CDH11: variants seen among roughly 807,000 people sequenced by gnomAD.
CDH11 encodes the protein cadherin 11.
CDH11 carries 11 observed loss-of-function variants against 67.8 expected under a neutral mutation model. That is an observed-to-expected ratio of 0.16 (90% CI 0.10 to 0.27). The LOEUF (loss-of-function observed/expected upper bound fraction) is 0.27, where lower values mean the gene tolerates loss of function less well. Ranked by LOEUF, CDH11 falls within the 10% of genes least tolerant of loss-of-function variation. The pLI is 1.00. For synonymous variants in CDH11, 419 were observed against 400.0 expected (o/e 1.05, Z -0.57); for missense variants, 847 against 1,031.2 (o/e 0.82, Z 2.45).
At chr16:65,081,368 A>C (rs2074606665) in intron 1 of CDH11, among the ~76,000 whole-genome samples, 1 of 152,154 alleles carries the variant, frequency 6.6e-6, no homozygotes, top group East Asian at 1.9e-4. Context: ...GGAGATCGAG[A>C]CCATCCTGGC....
intron 1 of CDH11, among the ~76,000 whole-genome samples, chr16:65,077,366 G>A (rs1255238020): frequency 6.6e-6 from 1 of 152,188 alleles, no homozygotes; most frequent in Non-Finnish European, 1.5e-5. Context: ...CCTCAATTGT[G>A]TGTAGCTTCT....
At chr16:65,042,335 A>G (rs74965217) in intron 2 of CDH11, among the ~76,000 whole-genome samples, 4,295 of 152,284 alleles carry the variant, frequency 0.028, 103 homozygotes, top group South Asian at 0.17. Context: ...GAAGTGTCCA[A>G]TGACTACAGG....
At chr16:64,974,121 T>A (rs1301420440) in intron 8 of CDH11, among the ~76,000 whole-genome samples, 2 of 152,194 alleles carry the variant, frequency 1.3e-5, no homozygotes, top group Admixed American at 1.3e-4. Flanking sequence ...AAGAATGGCA[T>A]TTACTGAGTT....
chr16:65,121,987 CG>C lies in CDH11; in HGVS notation c.-406del, dbSNP rs1567592819. On this transcript the variant is annotated 5_prime_UTR_variant, in exon 1 of 13. The change abolishes the stop of an existing upstream ORF in the 5' untranslated region. Transcript: ENST00000268603. The surrounding 1 kb of genome is among the most constrained non-coding windows in gnomAD (Gnocchi z 4.1). ...AGTCCCGGTCCCATTCACAAGTCAG[CG>C]GCGGCTGCGAGCGGCCCCCGCGGCA... 4.3e-6 allele frequency: 3 copies of C among 700,832 alleles called. No homozygotes were observed. The highest frequency in any genetic ancestry group is 7.8e-6 in the Non-Finnish European group (3 of 384,062). 43.4% of individuals were successfully genotyped at this position (700,832 alleles called of 1,614,324 possible). A position where few individuals can be genotyped will look rare whatever the true frequency, so the allele number is the denominator to read the frequency against.
At chr16:65,075,001 A>T (rs1010278547) in intron 1 of CDH11, among the ~76,000 whole-genome samples, 2 of 152,132 alleles carry the variant, frequency 1.3e-5, no homozygotes, top group Admixed American at 6.5e-5. Context: ...TGCTGTCTCA[A>T]ATCTTACACT....
chr16:65,003,370 C>T (rs137925725), intron 3 of CDH11, among the ~76,000 whole-genome samples: 78 of 152,094 alleles, frequency 5.1e-4, no homozygotes, highest in Middle Eastern at 3.4e-3. Context: ...GATTCCCCTG[C>T]CTCAGCCTCT....
intron 3 of CDH11, among the ~76,000 whole-genome samples, chr16:65,001,257 T>C (rs769113551): frequency 1.6e-4 from 24 of 152,234 alleles, no homozygotes; most frequent in Non-Finnish European, 2.5e-4. Flanking sequence ...TTCATAACAA[T>C]GTGTTGTCGT....
intron 2 of CDH11, among the ~76,000 whole-genome samples, chr16:65,015,783 A>C (rs1170390278): frequency 6.6e-6 from 1 of 152,196 alleles, no homozygotes; most frequent in East Asian, 1.9e-4. Flanking sequence ...GTAAGGTATA[A>C]ACAATGAGAG....
chr16:65,068,065 G>A (rs1241596855), intron 1 of CDH11, among the ~76,000 whole-genome samples: 1 of 120,230 alleles, frequency 8.3e-6, no homozygotes, highest in Non-Finnish European at 1.9e-5. Context: ...GGAGGGAGGG[G>A]GCAGGGAGAG....
At chr16:65,087,634 G>C (rs1470581863) in intron 1 of CDH11, among the ~76,000 whole-genome samples, 1 of 152,206 alleles carries the variant, frequency 6.6e-6, no homozygotes, top group Non-Finnish European at 1.5e-5. Flanking sequence ...AACACAAGCT[G>C]CTCAGAATGA....
chr16:65,037,288 A>T (rs919502400), intron 2 of CDH11, among the ~76,000 whole-genome samples: 8 of 151,848 alleles, frequency 5.3e-5, no homozygotes, highest in African/African-American at 1.9e-4. Context: ...ATTCCCCACC[A>T]CCCCGATTTC....
At chr16:64,975,836 T>C (rs1308581969) in intron 8 of CDH11, among the ~76,000 whole-genome samples, 1 of 152,204 alleles carries the variant, frequency 6.6e-6, no homozygotes, top group African/African-American at 2.4e-5. Context: ...CCTACACATG[T>C]ACCCCCTGAA....
rs115289457 is a variant in CDH11 at position 65,117,784 on chromosome 16, C to T, written c.-298+4096G>A. ...TTTTTCTTCTTTATCCATTCCCTTC[C>T]ACTTGGAGTCAGAAATGATGCTCTT... On this transcript the variant is annotated intron_variant, in intron 1 of 12. Transcript: ENST00000268603. Among the ~76,000 whole-genome samples the T allele has an allele frequency of 3.2e-3, 492 of 152,236 alleles. 2 individuals carry two copies. Among genetic ancestry groups the T allele is most frequent in the African/African-American group, 0.011 (461 of 41,548 alleles).
intron 11 of CDH11, among the ~76,000 whole-genome samples, chr16:64,964,353 G>T (rs2071753282): frequency 6.6e-6 from 1 of 152,032 alleles, no homozygotes; most frequent in African/African-American, 2.4e-5. Context: ...TATAACACAG[G>T]AGCAAATATT....
At chr16:65,056,065 A>G (rs2074136788) in intron 1 of CDH11, among the ~76,000 whole-genome samples, 1 of 152,188 alleles carries the variant, frequency 6.6e-6, no homozygotes, top group Non-Finnish European at 1.5e-5. Flanking sequence ...AGAAATTAAG[A>G]TCTGTGGTTT....
At chr16:65,051,146 G>A (rs539331524) in intron 2 of CDH11, among the ~76,000 whole-genome samples, 2 of 152,232 alleles carry the variant, frequency 1.3e-5, no homozygotes, top group South Asian at 2.1e-4. Context: ...AGGGGAGTGC[G>A]ATTTTGCTTC....
At chr16:65,067,816 A>T (rs1266593777) in intron 1 of CDH11, among the ~76,000 whole-genome samples, 1 of 131,932 alleles carries the variant, frequency 7.6e-6, no homozygotes, top group African/African-American at 2.9e-5. Context: ...AGGAAGGATG[A>T]AGGGAGAGAG....
chr16:65,100,086 T>C (rs1490176411), intron 1 of CDH11, among the ~76,000 whole-genome samples: 1 of 152,134 alleles, frequency 6.6e-6, no homozygotes. Flanking sequence ...TAACTGGCAA[T>C]GGACTGGGTG....
rs941707561 is a variant in CDH11 at position 64,946,156 on chromosome 16, A to G, written c.*1447T>C. 2 of 1,054,388 alleles carry G rather than the reference A, an allele frequency of 1.9e-6. No individual in the cohort carries two copies. The highest frequency in any genetic ancestry group is 2.3e-6 in the Non-Finnish European group (2 of 872,498). 65.3% of individuals were successfully genotyped at this position (1,054,388 alleles called of 1,614,324 possible). ...GCATATTCTAAACAAAGCTTTTTTA[A>G]ATGAATCGCCCATTCTCATTAAAAC... On this transcript the variant is annotated 3_prime_UTR_variant, in exon 13 of 13. Transcript: ENST00000268603.
Sources: gnomAD v4.1 joint callset for allele counts (sites outside exome capture counted in the v4.1 genomes callset) on GRCh38, gnomAD v4.1.1 for gene constraint, Gnocchi (gnomAD v3.1) non-coding constraint, MANE v1.5 for transcripts, NCBI Gene and HGNC (gene_info 2026-07-23, HGNC 2026-07-21) for gene names.